The following MIPEP variants were observed in gnomAD, a reference collection of about 807,000 sequenced individuals.
MIPEP encodes the protein mitochondrial intermediate peptidase.
MIPEP carries 79 observed loss-of-function variants against 90.3 expected under a neutral mutation model. That is an observed-to-expected ratio of 0.87 (90% CI 0.73 to 1.05). The LOEUF (loss-of-function observed/expected upper bound fraction) is 1.05. Among genes scored for constraint, MIPEP ranks in the 50% least tolerant of loss-of-function variants. MIPEP has a pLI of 0.00. For synonymous variants in MIPEP, 334 were observed against 315.8 expected (o/e 1.06, Z -0.61); for missense variants, 940 against 905.6 (o/e 1.04, Z -0.49).
At chr13:23,876,576 A>G (rs1157893098) in intron 4 of MIPEP, among the ~76,000 whole-genome samples, 1 of 148,628 alleles carries the variant, frequency 6.7e-6, no homozygotes, top group Middle Eastern at 3.2e-3. Flanking sequence ...TCTTTTGCCC[A>G]TTTTTCTATA....
chr13:23,839,783 C>T, intron 11 of MIPEP, 57 bp from the exon 12 acceptor site: 1 of 1,252,276 alleles, frequency 8.0e-7, no homozygotes, highest in East Asian at 2.3e-5. Flanking sequence ...CTCTAAAATC[C>T]CTAACACAAG....
intron 18 of MIPEP, among the ~76,000 whole-genome samples, chr13:23,748,183 G>A (rs1184169204): frequency 2.0e-5 from 3 of 152,234 alleles, no homozygotes; most frequent in Non-Finnish European, 4.4e-5. Context: ...TGTGACTACA[G>A]GTGCATGCCA....
intron 16 of MIPEP, among the ~76,000 whole-genome samples, chr13:23,776,085 T>C (rs1952712548): frequency 6.6e-6 from 1 of 152,166 alleles, no homozygotes; most frequent in Admixed American, 6.5e-5. Context: ...CTTCAATCTC[T>C]GTACCCCCCA....
At chr13:23,843,631 C>T (rs1468461711) in intron 10 of MIPEP, among the ~76,000 whole-genome samples, 3 of 152,080 alleles carry the variant, frequency 2.0e-5, no homozygotes, top group Non-Finnish European at 4.4e-5. Context: ...CTTCTGTAGG[C>T]CATAGGGGAG....
intron 16 of MIPEP, among the ~76,000 whole-genome samples, chr13:23,805,523 C>T: frequency 6.6e-6 from 1 of 152,144 alleles, no homozygotes; most frequent in Admixed American, 6.6e-5. Flanking sequence ...TGACATGGTA[C>T]TCAACAAGAT....
intron 10 of MIPEP, among the ~76,000 whole-genome samples, chr13:23,843,699 G>A (rs1869406984): frequency 6.6e-6 from 1 of 152,180 alleles, no homozygotes; most frequent in South Asian, 2.1e-4. Context: ...GAATGCAGGA[G>A]GCAGGGAGGG....
chr13:23,775,603 TATGTTTTACTTA>T (rs1228596530), intron 16 of MIPEP, among the ~76,000 whole-genome samples: 1 of 152,070 alleles, frequency 6.6e-6, no homozygotes, highest in Non-Finnish European at 1.5e-5. Flanking sequence ...TATGTGCATA[TATGTTTTACTTA>T]CCAAAAAAAG....
chr13:23,751,275 G>A (rs867317602), intron 18 of MIPEP, among the ~76,000 whole-genome samples: 1 of 152,178 alleles, frequency 6.6e-6, no homozygotes, highest in African/African-American at 2.4e-5. Flanking sequence ...TGGCAAAAGC[G>A]AGTGTGTTTG....
intron 16 of MIPEP, among the ~76,000 whole-genome samples, chr13:23,762,763 G>A (rs561865861): frequency 2.8e-4 from 43 of 152,316 alleles, no homozygotes; most frequent in Non-Finnish European, 4.9e-4. Context: ...AACTAGACCT[G>A]TATCCCTACC....
At chr13:23,850,623 A>T (rs1288413396) in intron 10 of MIPEP, among the ~76,000 whole-genome samples, 1 of 152,232 alleles carries the variant, frequency 6.6e-6, no homozygotes, top group Non-Finnish European at 1.5e-5. Flanking sequence ...AGGGATTAGG[A>T]AAGTAAACCA....
Position 23,730,283 on chromosome 13 carries a change from C to A in MIPEP, c.*65G>T. 9.6e-7 allele frequency: 1 copy of A among 1,039,730 alleles called. No homozygotes were observed. Among genetic ancestry groups the A allele is most frequent in the Admixed American group, 1.9e-5 (1 of 52,206 alleles). The allele number at this position is 1,039,730 out of a possible 1,614,324, so 64.4% of individuals were successfully genotyped here. On this transcript the variant is annotated 3_prime_UTR_variant, in exon 19 of 19. Transcript: ENST00000382172. Reference sequence around the variant, plus strand: ...TGAAATCAGAAACAAGCTCTCACAGCTGTAGCATTTATAACAAAGTCATTA... The same window carrying A: ...TGAAATCAGAAACAAGCTCTCACAGATGTAGCATTTATAACAAAGTCATTA...
chr13:23,867,650 A>G (rs1273061434), intron 7 of MIPEP, among the ~76,000 whole-genome samples: 1 of 152,216 alleles, frequency 6.6e-6, no homozygotes, highest in Non-Finnish European at 1.5e-5. Flanking sequence ...ACCGAGAATA[A>G]TATCTGACAT....
intron 10 of MIPEP, among the ~76,000 whole-genome samples, chr13:23,853,535 A>G (rs1322629605): frequency 6.6e-6 from 1 of 151,314 alleles, no homozygotes; most frequent in Non-Finnish European, 1.5e-5. Flanking sequence ...CTCTAAGATC[A>G]TACAATGACA....
intron 16 of MIPEP, among the ~76,000 whole-genome samples, chr13:23,799,948 T>C (rs1565997980): frequency 6.6e-6 from 1 of 152,222 alleles, no homozygotes; most frequent in Non-Finnish European, 1.5e-5. Flanking sequence ...TGTAAATACT[T>C]AGAGTGCTCA....
intron 14 of MIPEP, among the ~76,000 whole-genome samples, chr13:23,831,732 A>G (rs2137446064): frequency 6.6e-6 from 1 of 152,306 alleles, no homozygotes; most frequent in Non-Finnish European, 1.5e-5. Flanking sequence ...CTCCATCTAA[A>G]GGACCTAATC....
chr13:23,770,021 C>T (rs892725411), intron 16 of MIPEP, among the ~76,000 whole-genome samples: 2 of 152,160 alleles, frequency 1.3e-5, no homozygotes, highest in Non-Finnish European at 2.9e-5. Context: ...TCACCAGATG[C>T]AGATCCTCAA....
intron 16 of MIPEP, among the ~76,000 whole-genome samples, chr13:23,770,229 C>T (rs1189754647): frequency 6.6e-6 from 1 of 152,146 alleles, no homozygotes; most frequent in Non-Finnish European, 1.5e-5. Context: ...CTGTCACTCT[C>T]CCGTTGTTCA....
intron 14 of MIPEP, 116 bp downstream of exon 14, chr13:23,836,124 T>A: frequency 3.5e-6 from 2 of 575,008 alleles, no homozygotes; most frequent in East Asian, 3.0e-5. Context: ...CAATAAAAGG[T>A]TTGTTACTAA....
At chr13:23,839,897 T>G (rs1784930137) in intron 11 of MIPEP, among the ~76,000 whole-genome samples, 171 bp from the exon 12 acceptor site, 1 of 152,230 alleles carries the variant, frequency 6.6e-6, no homozygotes, top group Non-Finnish European at 1.5e-5. Context: ...CATCCTCTTC[T>G]GCTCCATCTC....
Sources: allele counts gnomAD v4.1 joint callset (sites outside exome capture counted in the v4.1 genomes callset), GRCh38; gene constraint gnomAD v4.1.1; transcripts MANE v1.5; gene names NCBI Gene and HGNC (gene_info 2026-07-23, HGNC 2026-07-21).